GAS2: variants seen among roughly 807,000 people sequenced by gnomAD.
GAS2 encodes growth arrest specific 2.
GAS2 carries 20 observed loss-of-function variants against 37.5 expected under a neutral mutation model. That is an observed-to-expected ratio of 0.53 (90% CI 0.37 to 0.77). GAS2 has a LOEUF of 0.77. GAS2 is among the 30% of genes least tolerant of loss of function. The probability of loss-of-function intolerance (pLI) is 0.00; values close to 1 mark genes in which losing one functional copy is unlikely to be tolerated. For missense variants in GAS2, 336 were observed against 373.4 expected (o/e 0.90, Z 0.82); for synonymous variants, 144 against 132.2 (o/e 1.09, Z -0.61).
intron 7 of GAS2, among the ~76,000 whole-genome samples, chr11:22,757,825 C>A (rs1026377774): frequency 3.9e-5 from 6 of 152,058 alleles, no homozygotes; most frequent in Non-Finnish European, 7.4e-5. Flanking sequence ...AATACCTATC[C>A]TTTGGCTTGT....
intron 1 of GAS2, among the ~76,000 whole-genome samples, chr11:22,658,315 C>T (rs1411908872): frequency 6.6e-6 from 1 of 152,150 alleles, no homozygotes; most frequent in Non-Finnish European, 1.5e-5. Context: ...AGGTGTGAGC[C>T]ACTGTGCCTG....
chr11:22,671,477 A>G lies in GAS2; in HGVS notation c.-20-3373A>G, dbSNP rs117011616. Among the ~76,000 whole-genome samples the G allele has an allele frequency of 2.8e-3, 431 of 152,240 alleles. 1 individual carries two copies. Among genetic ancestry groups the G allele is most frequent in the Non-Finnish European group, 4.8e-3 (328 of 67,942 alleles). Reference sequence around the variant, plus strand: ...CTATATACACTTTATTGGAAACATCATTCAGTGTTTAGGCACATTATACAA... The same window carrying G: ...CTATATACACTTTATTGGAAACATCGTTCAGTGTTTAGGCACATTATACAA... On this transcript the variant is annotated intron_variant, in intron 1 of 7. Coordinates refer to ENST00000454584, the MANE Select transcript of GAS2 (RefSeq NM_001143830.3).
chr11:22,775,482 C>T (rs980818009), intron 7 of GAS2, among the ~76,000 whole-genome samples: 1 of 152,196 alleles, frequency 6.6e-6, no homozygotes, highest in Non-Finnish European at 1.5e-5. Context: ...TATTCTGATA[C>T]ATCTGCCTGG....
intron 7 of GAS2, among the ~76,000 whole-genome samples, chr11:22,774,114 C>G (rs1210405140): frequency 3.3e-5 from 5 of 152,188 alleles, no homozygotes; most frequent in Non-Finnish European, 7.4e-5. Context: ...CTGTCTCAGC[C>G]TCCCAAGTAG....
At chr11:22,789,423 G>GATATATATAAATATATATAAATATATAT (rs1491294585) in intron 7 of GAS2, among the ~76,000 whole-genome samples, 1 of 71,174 alleles carries the variant, frequency 1.4e-5, no homozygotes, top group African/African-American at 5.8e-5. Flanking sequence ...TATCTCATAT[G>GATATATATAAATATATATAAATATATAT]AGATATATAT....
At chr11:22,810,067 G>A (rs1050559098) in intron 7 of GAS2, among the ~76,000 whole-genome samples, 3 of 152,140 alleles carry the variant, frequency 2.0e-5, no homozygotes, top group African/African-American at 7.2e-5. Context: ...TGCATAGAAC[G>A]CCAGTCACTG....
At chr11:22,701,658 G>A (rs1004626041) in intron 3 of GAS2, among the ~76,000 whole-genome samples, 13 of 152,036 alleles carry the variant, frequency 8.6e-5, no homozygotes, top group African/African-American at 2.4e-4. Context: ...GTGAAACCCC[G>A]TCTCTACTAA....
chr11:22,713,712 C>G (rs1370748887), intron 3 of GAS2, among the ~76,000 whole-genome samples: 2 of 152,188 alleles, frequency 1.3e-5, no homozygotes, highest in African/African-American at 4.8e-5. Flanking sequence ...TCTATAGCCT[C>G]CTTAAAATAA....
intron 5 of GAS2, among the ~76,000 whole-genome samples, chr11:22,746,414 G>A (rs147141427): frequency 7.2e-5 from 11 of 152,286 alleles, no homozygotes; most frequent in African/African-American, 2.6e-4. Flanking sequence ...GCACTCATGT[G>A]TTCATAGCAG....
intron 1 of GAS2, among the ~76,000 whole-genome samples, chr11:22,657,404 C>T (rs533914723): frequency 5.3e-5 from 8 of 152,110 alleles, no homozygotes; most frequent in Non-Finnish European, 1.0e-4. Context: ...AGCAGAGGGT[C>T]TCTCCCTAGT....
At chr11:22,789,183 T>A (rs1202803979) in intron 7 of GAS2, among the ~76,000 whole-genome samples, 1 of 149,236 alleles carries the variant, frequency 6.7e-6, no homozygotes, top group Admixed American at 6.7e-5. Context: ...GGATTGACAC[T>A]AATTTGATGG....
At chr11:22,676,119 G>C (rs1026512458) in intron 2 of GAS2, among the ~76,000 whole-genome samples, 2 of 151,886 alleles carry the variant, frequency 1.3e-5, no homozygotes, top group African/African-American at 4.8e-5. Context: ...ACTGAATATG[G>C]GTATGTAAAT....
Position 22,685,703 on chromosome 11 carries a change from T to G in GAS2, c.181T>G (p.Leu61Val). Residue 61 changes from leucine (L) to valine (V), a missense_variant, in exon 3 of 8, where the codon TTG becomes GTG. Transcript: ENST00000454584. ...EITAETFMEK[L>V]DNGALLCQLA... The stretch of plus-strand genomic sequence containing the variant: ...TACAGCAGAAACTTTTATGGAGAAG[T>G]TGGACAATGGTGCCTTGCTCTGTCA... 1 of 1,613,762 alleles carries G rather than the reference T, an allele frequency of 6.2e-7. No homozygotes were observed. Among genetic ancestry groups the G allele is most frequent in the Non-Finnish European group, 8.5e-7 (1 of 1,179,828 alleles).
At chr11:22,633,838 A>G (rs1858780725) in intron 1 of GAS2, among the ~76,000 whole-genome samples, 1 of 152,188 alleles carries the variant, frequency 6.6e-6, no homozygotes, top group Non-Finnish European at 1.5e-5. Flanking sequence ...TGTTACATGT[A>G]GAAAAGGACT....
At chr11:22,732,364 T>G (rs2134196876) in intron 4 of GAS2, among the ~76,000 whole-genome samples, 1 of 151,764 alleles carries the variant, frequency 6.6e-6, no homozygotes, top group South Asian at 2.1e-4. Context: ...GGGCTTCCAT[T>G]ACTGATGAGA....
chr11:22,805,099 T>C (rs1285153970), intron 7 of GAS2, among the ~76,000 whole-genome samples: 1 of 152,122 alleles, frequency 6.6e-6, no homozygotes, highest in East Asian at 1.9e-4. Context: ...TTCAATTTTT[T>C]TTTTTTAGAT....
intron 3 of GAS2, among the ~76,000 whole-genome samples, chr11:22,696,817 G>A (rs1404930895): frequency 6.7e-6 from 1 of 149,838 alleles, no homozygotes; most frequent in Admixed American, 6.7e-5. Flanking sequence ...AAATTTGTTT[G>A]AGTTCATTGT....
At position 22,670,128 on chromosome 11, in the gene GAS2, G is replaced by T. The variant is rs1849142500; in HGVS notation, c.-21+3229G>T. On this transcript the variant is annotated intron_variant, in intron 1 of 7. Coordinates refer to ENST00000454584, the MANE Select transcript of GAS2 (RefSeq NM_001143830.3). ...GCACTGTTTATTTTTAATTTTAAAA[G>T]GTAACGTGATTGACCAATAAACTAT... Among the ~76,000 whole-genome samples the T allele has an allele frequency of 2.6e-5, 4 of 152,122 alleles. No individual in the cohort carries two copies. The South Asian group carries it at 8.3e-4, about 31-fold the overall frequency.
intron 5 of GAS2, among the ~76,000 whole-genome samples, chr11:22,747,133 A>G (rs934018144): frequency 2.0e-5 from 3 of 152,206 alleles, no homozygotes; most frequent in Non-Finnish European, 4.4e-5. Flanking sequence ...AAAGCCTTAT[A>G]TGCAGTTAGG....
Sources: gnomAD v4.1 joint callset for allele counts (sites outside exome capture counted in the v4.1 genomes callset) on GRCh38, gnomAD v4.1.1 for gene constraint, MANE v1.5 for transcripts, NCBI Gene and HGNC (gene_info 2026-07-23, HGNC 2026-07-21) for gene names.